The following CUL4A variants were observed in gnomAD, a reference collection of about 807,000 sequenced individuals.
CUL4A encodes cullin 4A, also known as cullin-4A.
Under a neutral mutation model 95.5 loss-of-function variants are expected in CUL4A, and 16 were observed. That is an observed-to-expected ratio of 0.17 (90% confidence interval 0.11 to 0.25). The LOEUF is 0.25. Ranked by LOEUF, CUL4A falls within the 10% of genes least tolerant of loss-of-function variation. The pLI is 1.00. For synonymous variants in CUL4A, 380 were observed against 353.1 expected, an observed-to-expected ratio of 1.08 and a Z score of -0.85; for missense variants, 610 against 937.0, an observed-to-expected ratio of 0.65 and a Z score of 4.56.
intron 11 of CUL4A, chr13:113,244,151 A>AT (rs1207468330): frequency 2.9e-6 from 1 of 340,844 alleles, no homozygotes; most frequent in Non-Finnish European, 5.4e-6. Context: ...TTATTTTGAA[A>AT]TTCAGAGATT....
At chr13:113,241,463 C>G (rs964443453) in intron 10 of CUL4A, among the ~76,000 whole-genome samples, 20 of 151,646 alleles carry the variant, frequency 1.3e-4, no homozygotes. Context: ...CACCTGCTAG[C>G]CACACACCGC....
At chr13:113,242,827 A>G (rs1566357434) in intron 10 of CUL4A, 141 bp from the exon 11 acceptor site, 2 of 661,534 alleles carry the variant, frequency 3.0e-6, no homozygotes, top group East Asian at 3.0e-5. Flanking sequence ...TGTGAATTCA[A>G]TTTGTGAAAC....
intron 10 of CUL4A, among the ~76,000 whole-genome samples, chr13:113,240,825 C>T (rs1164883187): frequency 1.3e-5 from 2 of 152,004 alleles, no homozygotes; most frequent in African/African-American, 4.8e-5. Flanking sequence ...GTAAACTGGG[C>T]CATGTGAAAA....
chr13:113,257,030 T>C (rs1170099220), intron 18 of CUL4A, among the ~76,000 whole-genome samples: 1 of 143,508 alleles, frequency 7.0e-6, no homozygotes, highest in African/African-American at 2.6e-5. Flanking sequence ...GTTCAAGCGA[T>C]TCTCCTGTCT....
chr13:113,260,796 T>G, intron 19 of CUL4A, 37 bp downstream of exon 19: 1 of 1,435,202 alleles, frequency 7.0e-7, no homozygotes, highest in Non-Finnish European at 9.6e-7. Flanking sequence ...TTTGTAGTAT[T>G]TGCTAAACAA....
At chr13:113,223,574 T>G (rs903465905) in intron 3 of CUL4A, among the ~76,000 whole-genome samples, 1 of 152,180 alleles carries the variant, frequency 6.6e-6, no homozygotes, top group Admixed American at 6.5e-5. Flanking sequence ...ATTTTGTATT[T>G]TTAGTAGAAA....
intron 15 of CUL4A, among the ~76,000 whole-genome samples, chr13:113,247,445 T>A (rs2041886525): frequency 6.6e-6 from 1 of 152,200 alleles, no homozygotes; most frequent in Admixed American, 6.5e-5. Context: ...TCTTATGACT[T>A]AACTATCAGC....
intron 15 of CUL4A, among the ~76,000 whole-genome samples, chr13:113,249,729 C>G (rs182630629): frequency 6.6e-6 from 1 of 152,116 alleles, no homozygotes; most frequent in East Asian, 1.9e-4. Flanking sequence ...TTAGCAATCA[C>G]GAGAGCTTCC....
chr13:113,221,738 C>G (rs571768814), intron 3 of CUL4A, among the ~76,000 whole-genome samples: 46 of 152,112 alleles, frequency 3.0e-4, no homozygotes, highest in Middle Eastern at 3.4e-3. Context: ...CCACCATGCT[C>G]GGCTAATTTT....
intron 2 of CUL4A, among the ~76,000 whole-genome samples, chr13:113,213,622 C>A (rs1277061080): frequency 1.3e-5 from 2 of 152,114 alleles, no homozygotes; most frequent in South Asian, 2.1e-4. Context: ...CTTAAAAAGG[C>A]GGAATTACTT....
chr13:113,239,959 A>G (rs1208445316), intron 10 of CUL4A, among the ~76,000 whole-genome samples: 1 of 152,214 alleles, frequency 6.6e-6, no homozygotes, highest in Non-Finnish European at 1.5e-5. Context: ...AGTTTGCTTT[A>G]TAAACTTTAT....
Position 113,226,001 on chromosome 13 carries a change from C to T in CUL4A, c.369-1975C>T, listed in dbSNP as rs562258781. Among the ~76,000 whole-genome samples, 9 of 152,268 alleles carry T rather than the reference C, an allele frequency of 5.9e-5. 1 individual carries two copies. The South Asian group carries it at 1.9e-3, about 32-fold the overall frequency. On this transcript the variant is annotated intron_variant, in intron 3 of 19. Coordinates refer to ENST00000375440, the MANE Select transcript of CUL4A (RefSeq NM_001008895.4). ...ATAGAGTAAGCTGTCTTAGCCAGGC[C>T]CCTGTAGCTTTGGTCACAGCACTTC...
At chr13:113,244,594 G>A in intron 12 of CUL4A, 80 bp downstream of exon 12, 1 of 975,286 alleles carries the variant, frequency 1.0e-6, no homozygotes, top group South Asian at 1.4e-5. Flanking sequence ...GGTTTAGCAT[G>A]AGAATGTCAG....
rs541915562 is a variant in CUL4A, at chr13:113,258,534, A to G, written c.2032-2073A>G. Among the ~76,000 whole-genome samples, 132 of 152,334 alleles carry G rather than the reference A, an allele frequency of 8.7e-4. 1 individual carries two copies. Among genetic ancestry groups the G allele is most frequent in the African/African-American group, 3.1e-3 (129 of 41,584 alleles). ...TCTAGTTTTCTTCTGTAAGTCTTGC[A>G]TATTTCTTGCTAGTCATAAATTTTC... On this transcript the variant is annotated intron_variant, in intron 18 of 19. Coordinates refer to ENST00000375440, the MANE Select transcript of CUL4A (RefSeq NM_001008895.4).
In CUL4A at chr13:113,210,078, A is replaced by C. The variant is rs2040322193; in HGVS notation, c.254A>C (p.Glu85Ala). The change falls in exon 2 of 20, where the codon GAG (glutamate) becomes GCG (alanine). Residue 85 changes from glutamate (E) to alanine (A), a missense_variant. Physicochemically the swap from Glu to Ala is moderately radical, Grantham distance 107. Transcript: ENST00000375440. ...ACCTCCATCAGGTACAACCTCGAGG[A>C]GCTCTACCAGGTGAGGCGGCGGCCG... ...SSTSIRYNLE[E>A]LYQAVENLCS... 3.3e-6 allele frequency: 5 copies of C among 1,508,980 alleles called. No individual in the cohort carries two copies. The highest frequency in any genetic ancestry group is 4.4e-6 in the Non-Finnish European group (5 of 1,129,354). 93.5% of individuals were successfully genotyped at this position (1,508,980 alleles called of 1,614,324 possible).
intron 15 of CUL4A, among the ~76,000 whole-genome samples, chr13:113,248,705 T>C (rs2041918653): frequency 6.6e-6 from 1 of 152,198 alleles, no homozygotes; most frequent in Non-Finnish European, 1.5e-5. Flanking sequence ...AGATCTTAGA[T>C]AACCTATGCA....
At position 113,263,472 on chromosome 13, in the gene CUL4A, A is replaced by G. The variant is rs772716919; in HGVS notation, c.2185-15A>G. ...ATGCCATTGTAATTAGGGGGGTTTT[A>G]TTCTTCTTTTTTAGCCTGGAGATTT... On this transcript the variant is annotated splice_polypyrimidine_tract_variant and intron_variant, in intron 19 of 19. Transcript: ENST00000375440. 6.4e-7 allele frequency: 1 copy of G among 1,561,430 alleles called. No homozygotes were observed. The highest frequency in any genetic ancestry group is 8.8e-7 in the Non-Finnish European group (1 of 1,141,854).
intron 3 of CUL4A, among the ~76,000 whole-genome samples, chr13:113,227,481 C>A (rs575037713): frequency 6.6e-6 from 1 of 152,180 alleles, no homozygotes; most frequent in Non-Finnish European, 1.5e-5. Flanking sequence ...ACACCATTAC[C>A]GTAGAGTGAG....
At chr13:113,222,982 T>C (rs185778803) in intron 3 of CUL4A, among the ~76,000 whole-genome samples, 2 of 152,150 alleles carry the variant, frequency 1.3e-5, no homozygotes, top group East Asian at 1.9e-4. Context: ...TGGAGAGTCA[T>C]CTTGTGGGAA....
Sources: gnomAD v4.1 joint callset for allele counts (sites outside exome capture counted in the v4.1 genomes callset) on GRCh38, gnomAD v4.1.1 for gene constraint, MANE v1.5 for transcripts, NCBI Gene and HGNC (gene_info 2026-07-23, HGNC 2026-07-21) for gene names.